Variants in GABRB1 observed in about 807,000 individuals in gnomAD.
GABRB1 encodes the protein gamma-aminobutyric acid receptor subunit beta-1.
Under a neutral mutation model 51.6 loss-of-function variants are expected in GABRB1, and 17 were observed. That is an observed-to-expected ratio of 0.33 (90% CI 0.23 to 0.49). GABRB1 has a LOEUF of 0.49. Among genes scored for constraint, GABRB1 ranks in the 20% least tolerant of loss-of-function variants. GABRB1 has a pLI of 0.99. For missense variants in GABRB1, 410 were observed against 600.6 expected (o/e 0.68, Z 3.32); for synonymous variants, 247 against 218.9 (o/e 1.13, Z -1.14).
intron 4 of GABRB1, among the ~76,000 whole-genome samples, chr4:47,285,410 T>G (rs1236847926): frequency 1.3e-5 from 2 of 152,250 alleles, no homozygotes; most frequent in African/African-American, 4.8e-5. Context: ...ACTAAATGGT[T>G]TTAAAGTCAA....
At chr4:47,255,870 A>C (rs543246670) in intron 4 of GABRB1, among the ~76,000 whole-genome samples, 1 of 152,336 alleles carries the variant, frequency 6.6e-6, no homozygotes, top group Non-Finnish European at 1.5e-5. Flanking sequence ...GACTACAGGG[A>C]CTGTGGCTTG....
In GABRB1 at chr4:47,219,689, G is replaced by A. The variant is rs546349225; in HGVS notation, c.461+58220G>A. Among the ~76,000 whole-genome samples, 10 of 151,854 alleles carry A rather than the reference G, an allele frequency of 6.6e-5. No individual in the cohort carries two copies. The South Asian group carries it at 1.2e-3, about 19-fold the overall frequency. On this transcript the variant is annotated intron_variant, in intron 4 of 8. Transcript: ENST00000295454. ...CCTATTCCTCAAACTCTTCAATCCC[G>A]TGTGTCATCTCCATTTTATTCTAAA...
chr4:47,069,894 C>T (rs541024271), intron 3 of GABRB1, among the ~76,000 whole-genome samples: 12 of 152,258 alleles, frequency 7.9e-5, no homozygotes, highest in Admixed American at 5.2e-4. Flanking sequence ...AATTAGCCTC[C>T]GTTTCCGGTA....
At chr4:47,225,855 C>T (rs1026523401) in intron 4 of GABRB1, among the ~76,000 whole-genome samples, 3 of 152,048 alleles carry the variant, frequency 2.0e-5, no homozygotes, top group African/African-American at 7.2e-5. Context: ...TAAATGCATG[C>T]GTAGTGGATG....
intron 3 of GABRB1, among the ~76,000 whole-genome samples, chr4:47,036,531 G>A (rs1197940278): frequency 6.6e-6 from 1 of 152,140 alleles, no homozygotes; most frequent in Non-Finnish European, 1.5e-5. Flanking sequence ...ATTGCACTTT[G>A]AATATCAAGG....
chr4:47,204,445 G>A (rs17653124), intron 4 of GABRB1, among the ~76,000 whole-genome samples: 20,987 of 152,008 alleles, frequency 0.14, 1,903 homozygotes, highest in East Asian at 0.32. Flanking sequence ...GATTAGAAGG[G>A]ATCTTGAGAG....
At chr4:47,341,724 C>A (rs557425237) in intron 5 of GABRB1, among the ~76,000 whole-genome samples, 1 of 152,042 alleles carries the variant, frequency 6.6e-6, no homozygotes, top group Non-Finnish European at 1.5e-5. Context: ...AATTCTGAAC[C>A]AAAGTGTCTG....
At chr4:47,130,729 G>A (rs887197493) in intron 3 of GABRB1, among the ~76,000 whole-genome samples, 11 of 152,126 alleles carry the variant, frequency 7.2e-5, no homozygotes, top group African/African-American at 2.7e-4. Context: ...GGGATCATGA[G>A]AGCAGGGATC....
At chr4:47,250,809 T>C (rs1030646136) in intron 4 of GABRB1, among the ~76,000 whole-genome samples, 1 of 152,230 alleles carries the variant, frequency 6.6e-6, no homozygotes, top group African/African-American at 2.4e-5. Flanking sequence ...TTTGAATCTT[T>C]TTTAAGCTAT....
intron 4 of GABRB1, among the ~76,000 whole-genome samples, chr4:47,278,376 A>G (rs1723159781): frequency 6.6e-6 from 1 of 152,190 alleles, no homozygotes; most frequent in African/African-American, 2.4e-5. Flanking sequence ...CAAAGAACAT[A>G]AAATGCTTAC....
At chr4:47,422,111 A>G (rs10022793) in intron 8 of GABRB1, among the ~76,000 whole-genome samples, 76,909 of 151,884 alleles carry the variant, frequency 0.51, 22,488 homozygotes, top group African/African-American at 0.81. Context: ...CCATCACCTG[A>G]TCTCAAATCC....
At chr4:47,374,933 A>G (rs1727329021) in intron 5 of GABRB1, among the ~76,000 whole-genome samples, 1 of 152,246 alleles carries the variant, frequency 6.6e-6, no homozygotes, top group Non-Finnish European at 1.5e-5. Flanking sequence ...ATCCAATACT[A>G]AGAAGCATTC....
intron 3 of GABRB1, among the ~76,000 whole-genome samples, chr4:47,150,369 TACAC>T (rs34368149): frequency 6.7e-6 from 1 of 148,358 alleles, no homozygotes; most frequent in African/African-American, 2.5e-5. Flanking sequence ...CACACGCACA[TACAC>T]ACACACAGAG....
chr4:47,271,977 C>T (rs1310784677), intron 4 of GABRB1, among the ~76,000 whole-genome samples: 3 of 114,146 alleles, frequency 2.6e-5, no homozygotes, highest in Non-Finnish European at 3.5e-5. Context: ...CAAATGAGCA[C>T]ATTTTCATTA....
At chr4:47,251,032 A>G (rs1237907039) in intron 4 of GABRB1, among the ~76,000 whole-genome samples, 1 of 151,980 alleles carries the variant, frequency 6.6e-6, no homozygotes, top group Non-Finnish European at 1.5e-5. Context: ...TTGTTTTGTC[A>G]TATTACCAGA....
chr4:47,378,571 G>C (rs756683813), intron 5 of GABRB1, among the ~76,000 whole-genome samples: 2 of 152,216 alleles, frequency 1.3e-5, no homozygotes, highest in African/African-American at 2.4e-5. Context: ...AGGAGGCGCC[G>C]AGAGCCAGCG....
At chr4:47,417,018 A>G (rs556438222) in intron 8 of GABRB1, among the ~76,000 whole-genome samples, 54 of 152,336 alleles carry the variant, frequency 3.5e-4, no homozygotes, top group African/African-American at 1.3e-3. Context: ...GGACCTACTA[A>G]AACATAGAAT....
intron 4 of GABRB1, among the ~76,000 whole-genome samples, chr4:47,201,184 A>G (rs1719882741): frequency 6.6e-6 from 1 of 152,166 alleles, no homozygotes; most frequent in Non-Finnish European, 1.5e-5. Context: ...ATATTGAGGA[A>G]CAAGGGAGAC....
intron 4 of GABRB1, among the ~76,000 whole-genome samples, chr4:47,166,211 G>A (rs186914705): frequency 6.6e-6 from 1 of 152,030 alleles, no homozygotes; most frequent in Admixed American, 6.6e-5. Context: ...GGAATATACA[G>A]TTGACTCAGG....
Sources: gnomAD v4.1 joint callset for allele counts (sites outside exome capture counted in the v4.1 genomes callset) on GRCh38, gnomAD v4.1.1 for gene constraint, MANE v1.5 for transcripts, NCBI Gene and HGNC (gene_info 2026-07-23, HGNC 2026-07-21) for gene names.